POGLUT1: variants seen among roughly 807,000 people sequenced by gnomAD.
The protein encoded by POGLUT1 is 9630046K23Rik.
POGLUT1 carries 32 observed loss-of-function variants against 61.3 expected under a neutral mutation model. The observed-to-expected ratio is 0.52, with a 90% confidence interval of 0.39 to 0.70. The LOEUF is 0.70. POGLUT1 is among the 30% of genes least tolerant of loss of function. POGLUT1 has a pLI of 0.00. For missense variants in POGLUT1, 411 were observed against 469.8 expected, an observed-to-expected ratio of 0.87 and a Z score of 1.16; for synonymous variants, 158 against 158.2, an observed-to-expected ratio of 1.00 and a Z score of 0.01.
chr3:119,491,487 A>T, intron 9 of POGLUT1, 31 bp from the exon 10 acceptor site: 1 of 1,160,876 alleles, frequency 8.6e-7, no homozygotes, highest in Non-Finnish European at 1.3e-6. Context: ...GTTGGTCTAT[A>T]TTTCACAGTC....
chr3:119,469,228 C>G, intron 1 of POGLUT1, 122 bp downstream of exon 1: 1 of 760,872 alleles, frequency 1.3e-6, no homozygotes, highest in Non-Finnish European at 2.2e-6. Flanking sequence ...CGGAGCTGGG[C>G]AGAAGGCACC....
chr3:119,475,276 A>T (rs781036808), intron 3 of POGLUT1, among the ~76,000 whole-genome samples: 1 of 152,214 alleles, frequency 6.6e-6, no homozygotes, highest in Non-Finnish European at 1.5e-5. Context: ...AGATTGTTCC[A>T]TAAGAGTCCA....
At chr3:119,471,841 A>G in intron 3 of POGLUT1, 1 of 255,818 alleles carries the variant, frequency 3.9e-6, no homozygotes, top group Admixed American at 5.5e-5. Flanking sequence ...TGAATATTCA[A>G]GGGGAGGTGG....
At chr3:119,484,201 T>G (rs2081638578) in intron 5 of POGLUT1, among the ~76,000 whole-genome samples, 1 of 152,146 alleles carries the variant, frequency 6.6e-6, no homozygotes, top group Non-Finnish European at 1.5e-5. Flanking sequence ...TCTGAGGGCC[T>G]GGAAAATACT....
At chr3:119,474,763 C>T (rs34090996) in intron 3 of POGLUT1, among the ~76,000 whole-genome samples, 23,859 of 152,088 alleles carry the variant, frequency 0.16, 2,458 homozygotes, top group East Asian at 0.27. Flanking sequence ...CGCTTGAACC[C>T]GGGAGGCGGA....
At chr3:119,482,217 T>C (rs1430016779) in intron 5 of POGLUT1, among the ~76,000 whole-genome samples, 3 of 152,246 alleles carry the variant, frequency 2.0e-5, no homozygotes, top group Non-Finnish European at 4.4e-5. Flanking sequence ...GCAGCTGCTT[T>C]GTTTTCAAAA....
chr3:119,471,507 AC>A, intron 3 of POGLUT1, 55 bp downstream of exon 3: 1 of 1,527,436 alleles, frequency 6.5e-7, no homozygotes. Flanking sequence ...TGGGCTTGAT[AC>A]CCTTTTATAG....
rs775877723 is a variant in POGLUT1 at position 119,471,389 on chromosome 3, G to A, written c.257G>A (p.Gly86Glu). Residue 86 changes from glycine (G) to glutamate (E), a missense_variant, in exon 3 of 11, where the codon GGG becomes GAG. Gly to Glu is a moderately conservative substitution (Grantham distance 98, BLOSUM62 -2). Transcript: ENST00000295588. Reference sequence around the variant, plus strand: ...GCAGAGGTAGTCAGACGGAAGCTAGGGACCCACTATCAGATCACTAAGAAC... The same window carrying A: ...GCAGAGGTAGTCAGACGGAAGCTAGAGACCCACTATCAGATCACTAAGAAC... ...MMAEVVRRKL[G>E]THYQITKNRL... The A allele has an allele frequency of 2.5e-6, 4 of 1,613,864 alleles. No individual in the cohort carries two copies. The South Asian group carries it at 3.3e-5, about 13-fold the overall frequency.
chr3:119,480,153 T>C lies in POGLUT1; in HGVS notation c.559T>C (p.Phe187Leu). Residue 187 changes from phenylalanine to leucine, a missense_variant, in exon 5 of 11, where the codon TTC becomes CTC. Coordinates refer to ENST00000295588, the MANE Select transcript of POGLUT1 (RefSeq NM_152305.3). ...YPTGLGRWDL[F>L]REDLVRSAAQ... ...TACAGGTCTTGGACGGTGGGACCTC[T>C]TCAGAGAAGATCTGGTAAGGTAGGT... The C allele has an allele frequency of 1.3e-6, 2 of 1,591,046 alleles. No homozygotes were observed. Among genetic ancestry groups the C allele is most frequent in the Non-Finnish European group, 8.5e-7 (1 of 1,171,032 alleles).
chr3:119,487,062 C>T (rs1577086214), intron 7 of POGLUT1, 130 bp downstream of exon 7: 1 of 689,918 alleles, frequency 1.4e-6, no homozygotes, highest in African/African-American at 1.8e-5. Flanking sequence ...GTTCCATGAA[C>T]CAGCATTAGC....
chr3:119,483,378 T>C (rs1486531925), intron 5 of POGLUT1, among the ~76,000 whole-genome samples: 1 of 152,194 alleles, frequency 6.6e-6, no homozygotes, highest in Non-Finnish European at 1.5e-5. Flanking sequence ...CGTGCATGAA[T>C]GGAAAGGCAG....
At chr3:119,487,715 G>A (rs1365648309) in intron 7 of POGLUT1, among the ~76,000 whole-genome samples, 3 of 151,874 alleles carry the variant, frequency 2.0e-5, no homozygotes, top group Non-Finnish European at 2.9e-5. Context: ...CATTTGAAAT[G>A]TAAAAATTTC....
intron 4 of POGLUT1, chr3:119,479,825 C>G: frequency 9.4e-7 from 1 of 1,060,690 alleles, no homozygotes; most frequent in Non-Finnish European, 1.3e-6. Flanking sequence ...AAAAAGCTGA[C>G]CTTTAATGTG....
rs1476082194 is a variant in POGLUT1 at position 119,492,254 on chromosome 3, A to T, written c.1023-28A>T. 1.9e-6 allele frequency: 3 copies of T among 1,564,564 alleles called. No homozygotes were observed. In the East Asian group the frequency reaches 6.8e-5, roughly 35 times the overall value. On this transcript the variant is annotated intron_variant, in intron 10 of 10. Coordinates refer to ENST00000295588, the MANE Select transcript of POGLUT1 (RefSeq NM_152305.3). ...TATTATCATTAAATTCTGTGCTTTA[A>T]CATTTTCTTGTTAAATCTTGTCTCT... is the stretch of plus-strand genomic sequence containing the variant.
intron 10 of POGLUT1, among the ~76,000 whole-genome samples, chr3:119,492,065 T>A (rs182287195): frequency 1.4e-3 from 207 of 151,696 alleles, no homozygotes; most frequent in African/African-American, 4.5e-3. Context: ...AAAAAATAAA[T>A]AAATAAATAA....
rs898982892 is a variant in POGLUT1, at chr3:119,486,858, A to T, written c.664A>T (p.Ile222Phe). 6.2e-7 allele frequency: 1 copy of T among 1,612,256 alleles called. No individual in the cohort carries two copies. The highest frequency in any genetic ancestry group is 8.5e-7 in the Non-Finnish European group (1 of 1,178,254). The change falls in exon 7 of 11, where the codon ATT becomes TTT. Residue 222 changes from isoleucine to phenylalanine, a missense_variant. Transcript: ENST00000295588. Reference sequence around the variant, plus strand: ...GACAAGTCCAGAACGAGATCCTCTCATTCTTCTGTCTCGGAAAAACCCAAA... The same window carrying T: ...GACAAGTCCAGAACGAGATCCTCTCTTTCTTCTGTCTCGGAAAAACCCAAA... Reference protein sequence around the residue: ...SRTSPERDPLILLSRKNPKLV... With the variant: ...SRTSPERDPLFLLSRKNPKLV...
chr3:119,480,797 G>A (rs2081597480), intron 5 of POGLUT1, among the ~76,000 whole-genome samples: 1 of 148,494 alleles, frequency 6.7e-6, no homozygotes, highest in African/African-American at 2.5e-5. Context: ...GGAGTGCAGT[G>A]GTGCTATCGC....
chr3:119,469,026 A>T lies in POGLUT1; in HGVS notation c.5A>T (p.Glu2Val). M[E>V]WWASSPLRLW... ...TCTGCAGTAGGTCTGCCGGCGATGG[A>T]GTGGTGGGCTAGCTCGCCGCTTCGG... The change falls in exon 1 of 11, where the codon GAG becomes GTG. Residue 2 changes from glutamate to valine, a missense_variant. Glu to Val is a moderately radical substitution (Grantham distance 121). Coordinates refer to ENST00000295588, the MANE Select transcript of POGLUT1 (RefSeq NM_152305.3). 1 of 1,607,948 alleles carries T rather than the reference A, an allele frequency of 6.2e-7. No homozygotes were observed. The highest frequency in any genetic ancestry group is 2.1e-4 in the Middle Eastern group (1 of 4,866).
At chr3:119,487,359 G>A (rs997229958) in intron 7 of POGLUT1, among the ~76,000 whole-genome samples, 69 of 152,260 alleles carry the variant, frequency 4.5e-4, no homozygotes, top group African/African-American at 1.5e-3. Flanking sequence ...AGGCGAGGCG[G>A]GTGGATCACT....
Sources: gnomAD v4.1 joint callset for allele counts (sites outside exome capture counted in the v4.1 genomes callset) on GRCh38, gnomAD v4.1.1 for gene constraint, MANE v1.5 for transcripts, NCBI Gene and HGNC (gene_info 2026-07-23, HGNC 2026-07-21) for gene names.